The following HCN1 variants were observed in gnomAD, a reference collection of about 807,000 sequenced individuals.
The protein encoded by HCN1 is hyperpolarization activated cyclic nucleotide gated potassium channel 1.
HCN1 carries 13 observed loss-of-function variants against 78.9 expected under a neutral mutation model. The ratio of observed to expected loss-of-function variants is 0.16; its 90% CI spans 0.11 to 0.26. HCN1 has a LOEUF of 0.26. Among genes scored for constraint, HCN1 ranks in the 10% least tolerant of loss-of-function variants. The pLI is 1.00. For missense variants in HCN1, 810 were observed against 1,154.3 expected (o/e 0.70, Z 4.32); for synonymous variants, 552 against 455.5 (o/e 1.21, Z -2.70).
chr5:45,332,508 C>T (rs1197495458), intron 5 of HCN1, among the ~76,000 whole-genome samples: 2 of 150,958 alleles, frequency 1.3e-5, no homozygotes, highest in Non-Finnish European at 3.0e-5. Flanking sequence ...CTCTGGTAAC[C>T]ATCCTTCTAC....
chr5:45,634,658 G>A (rs141383236), intron 2 of HCN1, among the ~76,000 whole-genome samples: 6 of 151,936 alleles, frequency 3.9e-5, no homozygotes, highest in African/African-American at 1.2e-4. Context: ...TTATTACAAA[G>A]TTGTCTCGCT....
chr5:45,640,750 T>A (rs1042968999), intron 2 of HCN1, among the ~76,000 whole-genome samples: 1 of 151,750 alleles, frequency 6.6e-6, no homozygotes, highest in Admixed American at 6.6e-5. Flanking sequence ...ACTTTTTGTA[T>A]TTTTAGTAGA....
At chr5:45,393,643 C>G (rs912278720) in intron 4 of HCN1, among the ~76,000 whole-genome samples, 2 of 152,154 alleles carry the variant, frequency 1.3e-5, no homozygotes, top group African/African-American at 4.8e-5. Flanking sequence ...CTAAAAAACA[C>G]TTCTGTAAGA....
At chr5:45,453,140 A>G (rs952067011) in intron 3 of HCN1, among the ~76,000 whole-genome samples, 1 of 152,090 alleles carries the variant, frequency 6.6e-6, no homozygotes, top group African/African-American at 2.4e-5. Flanking sequence ...TACATAATTT[A>G]AGTCTATATA....
rs1271970264 is a variant in HCN1, at chr5:45,257,081, G to A, written c.*4840C>T. On this transcript the variant is annotated 3_prime_UTR_variant, in exon 8 of 8. Coordinates refer to ENST00000303230, the MANE Select transcript of HCN1 (RefSeq NM_021072.4). ...CCAGCATCCTCACAAGGCAGGGTGG[G>A]GTTGTAAATAGCCCCCAGTTTTTGC... The A allele has an allele frequency of 6.6e-6, 1 of 152,202 alleles. No homozygotes were observed. Among genetic ancestry groups the A allele is most frequent in the East Asian group, 1.9e-4 (1 of 5,174 alleles). The allele number at this position is 152,202 out of a possible 1,614,324, so 9.4% of individuals were successfully genotyped here.
chr5:45,349,815 C>G (rs1746846149), intron 5 of HCN1, among the ~76,000 whole-genome samples: 1 of 152,048 alleles, frequency 6.6e-6, no homozygotes, highest in Non-Finnish European at 1.5e-5. Flanking sequence ...CCTCCCAAGA[C>G]TAAACCAGGA....
At chr5:45,638,532 C>T (rs901472509) in intron 2 of HCN1, among the ~76,000 whole-genome samples, 4 of 152,120 alleles carry the variant, frequency 2.6e-5, no homozygotes, top group African/African-American at 9.7e-5. Context: ...GGGGCGCTGA[C>T]CAAAGAGCAT....
intron 2 of HCN1, among the ~76,000 whole-genome samples, chr5:45,581,251 C>T (rs1310188069): frequency 6.6e-6 from 1 of 152,184 alleles, no homozygotes; most frequent in African/African-American, 2.4e-5. Context: ...GAGATGGTAT[C>T]TCATTGTGGT....
At position 45,310,833 on chromosome 5, in the gene HCN1, A is replaced by G. The variant is rs570133648; in HGVS notation, c.1378-6994T>C. Among the ~76,000 whole-genome samples the G allele has an allele frequency of 6.1e-4, 93 of 152,342 alleles. 1 individual carries two copies. Among genetic ancestry groups the G allele is most frequent in the African/African-American group, 2.2e-3 (92 of 41,576 alleles). On this transcript the variant is annotated intron_variant, in intron 5 of 7. Coordinates refer to ENST00000303230, the MANE Select transcript of HCN1 (RefSeq NM_021072.4). ...ATATAGCATGGAATACTATGCAGCCATAAAAAAGAATGAGATCATGTCTTT... is the reference window on the plus strand; with the variant it reads ...ATATAGCATGGAATACTATGCAGCCGTAAAAAAGAATGAGATCATGTCTTT...
chr5:45,542,736 G>T (rs1244429811), intron 2 of HCN1, among the ~76,000 whole-genome samples: 1 of 152,094 alleles, frequency 6.6e-6, no homozygotes, highest in East Asian at 1.9e-4. Flanking sequence ...TTTAGGTTAG[G>T]TTTGTGTTTC....
At chr5:45,578,463 G>A (rs986276135) in intron 2 of HCN1, among the ~76,000 whole-genome samples, 12 of 151,960 alleles carry the variant, frequency 7.9e-5, no homozygotes, top group East Asian at 1.9e-4. Flanking sequence ...CTCCTCTCCA[G>A]TGTGTTCAAA....
chr5:45,349,319 A>C (rs1191460152), intron 5 of HCN1, among the ~76,000 whole-genome samples: 3 of 152,218 alleles, frequency 2.0e-5, no homozygotes, highest in Admixed American at 6.5e-5. Context: ...TGTTCTTTGA[A>C]ACCAATGAGA....
intron 1 of HCN1, among the ~76,000 whole-genome samples, chr5:45,666,492 C>G (rs908783322): frequency 6.6e-6 from 1 of 151,944 alleles, no homozygotes; most frequent in Admixed American, 6.6e-5. Flanking sequence ...CATAATAAAC[C>G]CAAATGAGCA....
chr5:45,349,474 A>T (rs988447272), intron 5 of HCN1, among the ~76,000 whole-genome samples: 7 of 152,204 alleles, frequency 4.6e-5, no homozygotes, highest in Admixed American at 1.3e-4. Context: ...CTAGAAAAGC[A>T]AGAGCAAATA....
At position 45,389,555 on chromosome 5, in the gene HCN1, C is replaced by A. The variant is rs1747998609; in HGVS notation, c.1230+6937G>T. Among the ~76,000 whole-genome samples, 3 of 152,134 alleles carry A rather than the reference C, an allele frequency of 2.0e-5. No homozygotes were observed. The South Asian group carries it at 6.2e-4, about 32-fold the overall frequency. ...GTCTACTTGCTCACTATGTGCCTAG[C>A]ATCTGGTAGTAGGCCTGACACATGG... On this transcript the variant is annotated intron_variant, in intron 4 of 7. Coordinates refer to ENST00000303230, the MANE Select transcript of HCN1 (RefSeq NM_021072.4).
At chr5:45,567,678 T>C (rs1013289070) in intron 2 of HCN1, among the ~76,000 whole-genome samples, 2 of 150,176 alleles carry the variant, frequency 1.3e-5, no homozygotes, top group African/African-American at 4.9e-5. Context: ...AAAGTGCCCT[T>C]TGGAAAATAT....
intron 2 of HCN1, among the ~76,000 whole-genome samples, chr5:45,591,455 T>G (rs1370428625): frequency 6.6e-6 from 1 of 152,170 alleles, no homozygotes; most frequent in Non-Finnish European, 1.5e-5. Context: ...TCTAGATTTT[T>G]AGTCATTCTC....
intron 4 of HCN1, among the ~76,000 whole-genome samples, chr5:45,391,816 A>G (rs1020413482): frequency 2.6e-5 from 4 of 152,192 alleles, no homozygotes; most frequent in African/African-American, 9.6e-5. Flanking sequence ...AAATAAGAAA[A>G]TGGTCCTTAT....
At chr5:45,371,007 T>A (rs769265249) in intron 4 of HCN1, among the ~76,000 whole-genome samples, 10 of 151,954 alleles carry the variant, frequency 6.6e-5, no homozygotes, top group Non-Finnish European at 1.0e-4. Context: ...ATATCAAAGC[T>A]AGAGAAGGAA....
Sources: gnomAD v4.1 joint callset for allele counts (sites outside exome capture counted in the v4.1 genomes callset) on GRCh38, gnomAD v4.1.1 for gene constraint, MANE v1.5 for transcripts, NCBI Gene and HGNC (gene_info 2026-07-23, HGNC 2026-07-21) for gene names.